The following DDAH1 variants were observed in gnomAD, a reference collection of about 807,000 sequenced individuals.
DDAH1 encodes the protein dimethylarginine dimethylaminohydrolase 1.
In DDAH1, 19 loss-of-function variants were observed where a neutral mutation model predicts 28.8. That is an observed-to-expected ratio of 0.66 (90% CI 0.46 to 0.97). DDAH1 has a LOEUF of 0.97. DDAH1 is among the 50% of genes least tolerant of loss of function. The pLI is 0.00. For synonymous variants in DDAH1, 153 were observed against 154.4 expected, an observed-to-expected ratio of 0.99 and a Z score of 0.07; for missense variants, 326 against 375.9, an observed-to-expected ratio of 0.87 and a Z score of 1.10.
At chr1:85,402,648 C>T (rs1043768119) in intron 1 of DDAH1, among the ~76,000 whole-genome samples, 4 of 152,120 alleles carry the variant, frequency 2.6e-5, no homozygotes, top group Admixed American at 6.5e-5. Context: ...CGGTGGTTCA[C>T]GCCTGTAATC....
upstream of DDAH1, among the ~76,000 whole-genome samples, chr1:85,469,198 CAT>C (rs1359459006): frequency 1.3e-5 from 2 of 152,142 alleles, no homozygotes; most frequent in Non-Finnish European, 2.9e-5. Context: ...GAAAAGAAAA[CAT>C]GAGGTTGGGG....
At chr1:85,322,952 G>A (rs538246016) in intron 5 of DDAH1, among the ~76,000 whole-genome samples, 50 of 152,180 alleles carry the variant, frequency 3.3e-4, no homozygotes, top group Admixed American at 1.3e-3. Flanking sequence ...TCTAGGGTGG[G>A]GGTCCAGGAA....
In DDAH1 at chr1:85,377,458, C is replaced by T. The variant is rs182377434; in HGVS notation, c.304-18611G>A. ...AATGAGGAGCCATCTGCCATCTAAC[C>T]AAACCCAAAGGCCACAGAATAAATG... is the stretch of plus-strand genomic sequence containing the variant. On this transcript the variant is annotated intron_variant, in intron 1 of 5. Transcript: ENST00000284031. 5.3e-3 allele frequency among the ~76,000 whole-genome samples: 814 copies of T among 152,170 alleles called. 3 individuals carry two copies. Among genetic ancestry groups the T allele is most frequent in the Non-Finnish European group, 7.6e-3 (514 of 67,990 alleles).
At chr1:85,536,179 G>C (rs1658269713) in intron 1 of DDAH1, among the ~76,000 whole-genome samples, 1 of 151,998 alleles carries the variant, frequency 6.6e-6, no homozygotes. Context: ...AGAGGTTGCA[G>C]TGAACGGAGA....
chr1:85,448,638 G>A (rs1488215875), intron 1 of DDAH1, among the ~76,000 whole-genome samples: 1 of 152,122 alleles, frequency 6.6e-6, no homozygotes, highest in South Asian at 2.1e-4. Context: ...TGACTCAAAT[G>A]ACCTTTCTGC....
intron 1 of DDAH1, among the ~76,000 whole-genome samples, chr1:85,547,124 G>A (rs1658649232): frequency 6.6e-6 from 1 of 152,122 alleles, no homozygotes; most frequent in African/African-American, 2.4e-5. Context: ...GGCCGGAGTG[G>A]AGAACACCCT....
intron 1 of DDAH1, among the ~76,000 whole-genome samples, chr1:85,554,233 A>G (rs1658891796): frequency 1.3e-5 from 2 of 150,266 alleles, no homozygotes. Context: ...CTCAAGACCA[A>G]TGTACAGGCC....
intron 1 of DDAH1, among the ~76,000 whole-genome samples, chr1:85,577,784 C>T (rs1659654957): frequency 1.3e-5 from 2 of 152,198 alleles, no homozygotes; most frequent in South Asian, 2.1e-4. Context: ...CTGGCAGCAG[C>T]GGTTGAGAGA....
rs569859837 is a variant in DDAH1 at position 85,477,042 on chromosome 1, C to T, written c.-7+19124G>A. On this transcript the variant is annotated intron_variant, in intron 2 of 6. Transcript: ENST00000426972. ...TGAGCATGTATAATAACGTAAATCC[C>T]ATATGTCTGGGGGAATAAAGGAAGA... Among the ~76,000 whole-genome samples the T allele has an allele frequency of 3.9e-5, 6 of 152,170 alleles. 1 individual carries two copies. The East Asian group carries it at 1.2e-3, about 30-fold the overall frequency.
chr1:85,379,698 TCTGAA>T (rs1306496205), intron 1 of DDAH1: 1 of 985,254 alleles, frequency 1.0e-6, no homozygotes, highest in Non-Finnish European at 1.2e-6. Flanking sequence ...TTCACTGTAC[TCTGAA>T]CTGAACTTAT....
chr1:85,518,365 C>G (rs1252610726), intron 1 of DDAH1, among the ~76,000 whole-genome samples: 2 of 152,168 alleles, frequency 1.3e-5, no homozygotes, highest in Non-Finnish European at 2.9e-5. Context: ...CCTTCCTGTA[C>G]AGTCTAAGAG....
At chr1:85,458,263 G>A (rs1456470814) in intron 1 of DDAH1, among the ~76,000 whole-genome samples, 2 of 152,090 alleles carry the variant, frequency 1.3e-5, no homozygotes, top group South Asian at 4.2e-4. Flanking sequence ...ATAGTTGCTT[G>A]GATAATCTAA....
rs1661238248 is a variant in DDAH1, at chr1:85,319,593, T to C, written c.*1859A>G. ...GGACAACCTTGAGAACATTTTTTCT[T>C]TGTTAACTTGGGCATGTGGCTAACA... On this transcript the variant is annotated 3_prime_UTR_variant, in exon 6 of 6. Coordinates refer to ENST00000284031, the MANE Select transcript of DDAH1 (RefSeq NM_012137.4). The C allele has an allele frequency of 2.0e-5, 3 of 152,212 alleles. No individual in the cohort carries two copies. The highest frequency in any genetic ancestry group is 1.3e-4 in the Admixed American group (2 of 15,290). 9.4% of individuals were successfully genotyped at this position (152,212 alleles called of 1,614,324 possible). A position where few individuals can be genotyped will look rare whatever the true frequency, so the allele number is the denominator to read the frequency against.
At chr1:85,327,497 T>G (rs1647482379) in intron 4 of DDAH1, among the ~76,000 whole-genome samples, 1 of 152,160 alleles carries the variant, frequency 6.6e-6, no homozygotes, top group Non-Finnish European at 1.5e-5. Context: ...GTTCCCAAAG[T>G]TTTTGGAATA....
Position 85,424,967 on chromosome 1 carries a change from G to A in DDAH1, c.303+39776C>T, listed in dbSNP as rs976701788. ...GATCACAGTCATCCAGTCTATTGTC[G>A]TTGGCTGTCTGTAGAAAAGAGTATC... On this transcript the variant is annotated intron_variant, in intron 1 of 5. Transcript: ENST00000284031. Among the ~76,000 whole-genome samples, 5 of 152,012 alleles carry A rather than the reference G, an allele frequency of 3.3e-5. No individual in the cohort carries two copies. The East Asian group carries it at 5.8e-4, about 18-fold the overall frequency.
At chr1:85,410,543 G>A (rs1652603970) in intron 1 of DDAH1, among the ~76,000 whole-genome samples, 1 of 151,888 alleles carries the variant, frequency 6.6e-6, no homozygotes, top group Admixed American at 6.6e-5. Context: ...GGAGGCTGAG[G>A]CAGGAGAATC....
At chr1:85,577,352 A>C (rs1373357616) in intron 1 of DDAH1, among the ~76,000 whole-genome samples, 1 of 152,124 alleles carries the variant, frequency 6.6e-6, no homozygotes, top group African/African-American at 2.4e-5. Flanking sequence ...TAGAGGAGAG[A>C]AATGGGATGG....
At chr1:85,531,588 A>G (rs1472716919) in intron 1 of DDAH1, among the ~76,000 whole-genome samples, 1 of 149,626 alleles carries the variant, frequency 6.7e-6, no homozygotes, top group African/African-American at 2.5e-5. Flanking sequence ...ATTCCTCACA[A>G]TGAGCCAGGG....
intron 1 of DDAH1, chr1:85,404,484 T>C: frequency 6.6e-7 from 1 of 1,521,328 alleles, no homozygotes; most frequent in East Asian, 2.5e-5. Flanking sequence ...CCTGTGTTAC[T>C]GAAGAACAGT....
Sources: allele counts gnomAD v4.1 joint callset (sites outside exome capture counted in the v4.1 genomes callset), GRCh38; gene constraint gnomAD v4.1.1; transcripts MANE v1.5; gene names NCBI Gene and HGNC (gene_info 2026-07-23, HGNC 2026-07-21).